MBP: variants seen among roughly 807,000 people sequenced by gnomAD.
MBP encodes the protein myelin basic protein, also known as Golli-MBP.
In MBP, 16 loss-of-function variants were observed where a neutral mutation model predicts 35.8. The ratio of observed to expected loss-of-function variants is 0.45; its 90% CI spans 0.30 to 0.68. MBP has a LOEUF of 0.68. MBP is among the 30% of genes least tolerant of loss of function. The pLI, the probability that MBP is intolerant of heterozygous loss-of-function variation, is 0.08. For missense variants in MBP, 380 were observed against 404.7 expected (o/e 0.94, Z 0.52); for synonymous variants, 143 against 159.6 (o/e 0.90, Z 0.78).
intron 4 of MBP, among the ~76,000 whole-genome samples, chr18:76,998,266 T>C (rs1970426610): frequency 6.6e-6 from 1 of 152,238 alleles, no homozygotes; most frequent in African/African-American, 2.4e-5. Flanking sequence ...GCGTCTGTTC[T>C]CTGCGGACGG....
intron 1 of MBP, among the ~76,000 whole-genome samples, chr18:77,120,121 C>T (rs1055461595): frequency 1.3e-5 from 2 of 152,244 alleles, no homozygotes; most frequent in East Asian, 1.9e-4. Context: ...CGCCTTGTCT[C>T]GGGTGAGGTA....
At chr18:76,990,295 G>T (rs1020503040) in intron 4 of MBP, among the ~76,000 whole-genome samples, 1 of 152,134 alleles carries the variant, frequency 6.6e-6, no homozygotes, top group African/African-American at 2.4e-5. Context: ...TAGCAAAGCA[G>T]CAGGTGAGGA....
At chr18:77,006,867 CAGAG>C in intron 4 of MBP, 2 of 152,084 alleles carry the variant, frequency 1.3e-5, no homozygotes, top group East Asian at 1.9e-4. Context: ...TGTGTTTGCA[CAGAG>C]AGAGAGAGGG....
At chr18:76,993,782 T>G (rs912995770) in intron 4 of MBP, among the ~76,000 whole-genome samples, 7 of 152,140 alleles carry the variant, frequency 4.6e-5, no homozygotes, top group Non-Finnish European at 8.8e-5. Context: ...GGTACCCCTC[T>G]GTTTACTGAC....
upstream of MBP, chr18:77,133,419 G>A (rs556257965): frequency 2.0e-5 from 3 of 152,426 alleles, no homozygotes; most frequent in South Asian, 2.1e-4. Flanking sequence ...ACACGCGCAG[G>A]TGCGAGGAAG....
At chr18:77,022,758 G>C (rs1030938264) in intron 3 of MBP, among the ~76,000 whole-genome samples, 1 of 152,218 alleles carries the variant, frequency 6.6e-6, no homozygotes, top group African/African-American at 2.4e-5. Flanking sequence ...CCTGAATGCA[G>C]TTATTTGTGA....
At chr18:77,061,200 A>G (rs1393643487) in intron 3 of MBP, among the ~76,000 whole-genome samples, 2 of 152,242 alleles carry the variant, frequency 1.3e-5, no homozygotes, top group African/African-American at 4.8e-5. Flanking sequence ...ACTGAATTCT[A>G]TTACAATAAA....
chr18:76,989,088 A>G lies in MBP; in HGVS notation c.682-176T>C. 1.4e-6 allele frequency: 1 copy of G among 725,582 alleles called. No homozygotes were observed. The allele number at this position is 725,582 out of a possible 1,614,324, so 44.9% of individuals were successfully genotyped here. On this transcript the variant is annotated intron_variant, in intron 5 of 8. Coordinates refer to ENST00000355994, the MANE Select transcript of MBP (RefSeq NM_001025101.2). This position sits in a 1 kb window ranked among gnomAD's most constrained non-coding sequence, Gnocchi z 4.0. ...GAAGAAGTATAGACCTGAGATTGAA[A>G]ATATTCTAGATGATGCAGATCTCCC...
intron 3 of MBP, among the ~76,000 whole-genome samples, chr18:77,061,117 C>G (rs796414383): frequency 6.6e-5 from 10 of 151,662 alleles, no homozygotes; most frequent in African/African-American, 2.4e-4. Flanking sequence ...AGCAGGTCCT[C>G]TGATGGCTAG....
At chr18:76,985,016 G>T (rs1228831680) in intron 7 of MBP, 122 bp from the exon 8 acceptor site, 2 of 1,525,218 alleles carry the variant, frequency 1.3e-6, no homozygotes, top group South Asian at 1.2e-5. Context: ...ACTGGTGAGT[G>T]GTTCAGGAGC....
chr18:77,132,865 C>T (rs916814925), upstream of MBP: 1 of 151,870 alleles, frequency 6.6e-6, no homozygotes, highest in Admixed American at 6.6e-5. Context: ...CAGGTAAACA[C>T]AGGCCGATCC....
At chr18:77,047,276 T>C (rs1372336828) in intron 3 of MBP, among the ~76,000 whole-genome samples, 2 of 152,252 alleles carry the variant, frequency 1.3e-5, no homozygotes, top group Non-Finnish European at 2.9e-5. Flanking sequence ...GACGGTGATG[T>C]GCACACACGA....
chr18:77,100,899 G>T (rs1975981617), intron 2 of MBP, among the ~76,000 whole-genome samples: 1 of 152,082 alleles, frequency 6.6e-6, no homozygotes, highest in African/African-American at 2.4e-5. Flanking sequence ...AGGAGGCTTA[G>T]CTATCACCAG....
At chr18:77,130,288 G>A (rs1599296167) in intron 1 of MBP, among the ~76,000 whole-genome samples, 1 of 151,108 alleles carries the variant, frequency 6.6e-6, no homozygotes, top group South Asian at 2.1e-4. Flanking sequence ...TCACCACGGC[G>A]GTGCAGAGCA....
At chr18:76,985,740 T>A in intron 7 of MBP, 2 of 1,003,406 alleles carry the variant, frequency 2.0e-6, no homozygotes, top group Non-Finnish European at 1.2e-6. Flanking sequence ...GGCAGGAACC[T>A]CTCTGAGCTT....
intron 4 of MBP, chr18:77,014,904 C>A (rs1324663216): frequency 1.0e-6 from 1 of 982,818 alleles, no homozygotes; most frequent in Non-Finnish European, 1.2e-6. Context: ...CTTCAAAATT[C>A]CTAAAGCAAT....
chr18:77,104,227 C>G (rs1313743547), intron 2 of MBP, among the ~76,000 whole-genome samples: 3 of 152,210 alleles, frequency 2.0e-5, no homozygotes, highest in Non-Finnish European at 4.4e-5. Context: ...GTACAAGACA[C>G]ATGGGAGCAG....
At chr18:77,133,548 T>C (rs963779125), upstream of MBP, 2 of 152,284 alleles carry the variant, frequency 1.3e-5, no homozygotes, top group African/African-American at 4.8e-5. Context: ...GAGATCTTTC[T>C]CTGGATTCTC....
intron 3 of MBP, 188 bp downstream of exon 3, chr18:77,066,110 G>A (rs1974187381): frequency 3.4e-6 from 2 of 589,242 alleles, no homozygotes; most frequent in Admixed American, 3.2e-5. Flanking sequence ...CGATCCTCTT[G>A]CATAGACCCC....
Sources: allele counts gnomAD v4.1 joint callset (sites outside exome capture counted in the v4.1 genomes callset), GRCh38; gene constraint gnomAD v4.1.1; non-coding constraint Gnocchi (gnomAD v3.1); transcripts MANE v1.5; gene names NCBI Gene and HGNC (gene_info 2026-07-23, HGNC 2026-07-21).